The following ANO10 variants were observed in gnomAD, a reference collection of about 807,000 sequenced individuals.
The protein encoded by ANO10 is anoctamin-10.
A neutral mutation model predicts 74.7 loss-of-function variants in ANO10; 77 were observed. The observed-to-expected ratio is 1.03, with a 90% CI of 0.86 to 1.25. The LOEUF (loss-of-function observed/expected upper bound fraction) is 1.25, where lower values mean the gene tolerates loss of function less well. Ranked by LOEUF, ANO10 falls within the 50% of genes most tolerant of loss-of-function variation. The pLI is 0.00. For missense variants in ANO10, 721 were observed against 778.1 expected (o/e 0.93, Z 0.87); for synonymous variants, 279 against 284.9 (o/e 0.98, Z 0.21).
chr3:43,412,972 A>G (rs2092687913), intron 12 of ANO10, among the ~76,000 whole-genome samples: 1 of 152,156 alleles, frequency 6.6e-6, no homozygotes, highest in Non-Finnish European at 1.5e-5. Flanking sequence ...AATCACATGA[A>G]CCCAGGAGGC....
intron 4 of ANO10, among the ~76,000 whole-genome samples, chr3:43,585,360 G>GA (rs148893632): frequency 0.11 from 16,928 of 151,378 alleles, 1,090 homozygotes; most frequent in African/African-American, 0.17. Context: ...AGGAAGAAAG[G>GA]AAAAAAAACA....
intron 12 of ANO10, among the ~76,000 whole-genome samples, chr3:43,400,840 G>A (rs751500915): frequency 3.9e-5 from 6 of 152,136 alleles, no homozygotes; most frequent in Non-Finnish European, 7.4e-5. Context: ...TGTGTGTAAG[G>A]CTGGGGCACA....
Position 43,614,115 on chromosome 3 carries a change from C to T in ANO10, c.-12+7794G>A, listed in dbSNP as rs540723270. On this transcript the variant is annotated intron_variant, in intron 1 of 12. Coordinates refer to ENST00000292246, the MANE Select transcript of ANO10 (RefSeq NM_018075.5). Reference sequence around the variant, plus strand: ...AGTTTAAGGGAACAATAAAGTGTTCCGCAGAGTATCTGGGGACACGCATCA... The same window carrying T: ...AGTTTAAGGGAACAATAAAGTGTTCTGCAGAGTATCTGGGGACACGCATCA... Among the ~76,000 whole-genome samples the T allele has an allele frequency of 8.5e-5, 13 of 152,214 alleles. No homozygotes were observed. In the East Asian group the frequency reaches 9.6e-4, roughly 11 times the overall value.
At chr3:43,512,371 C>T (rs1367555955) in intron 11 of ANO10, among the ~76,000 whole-genome samples, 4 of 152,198 alleles carry the variant, frequency 2.6e-5, no homozygotes, top group African/African-American at 4.8e-5. Context: ...TTAATGCACA[C>T]TGTGCACTAT....
intron 11 of ANO10, among the ~76,000 whole-genome samples, chr3:43,474,018 G>A (rs1441613281): frequency 6.6e-6 from 1 of 152,184 alleles, no homozygotes; most frequent in Non-Finnish European, 1.5e-5. Flanking sequence ...TACAGTTTTG[G>A]AATGATCCAA....
intron 11 of ANO10, among the ~76,000 whole-genome samples, chr3:43,444,969 A>G (rs1196169679): frequency 6.6e-6 from 1 of 151,884 alleles, no homozygotes; most frequent in East Asian, 1.9e-4. Flanking sequence ...TAAAAATACA[A>G]AAAATTAGCC....
intron 1 of ANO10, among the ~76,000 whole-genome samples, chr3:43,635,914 C>T (rs563711719): frequency 9.2e-5 from 14 of 152,062 alleles, no homozygotes; most frequent in South Asian, 2.1e-4. Flanking sequence ...CCACCATGCC[C>T]GGCCCAGCTC....
At chr3:43,580,520 T>C (rs199834409) in intron 4 of ANO10, 48 bp from the exon 5 acceptor site, 2 of 1,607,650 alleles carry the variant, frequency 1.2e-6, no homozygotes, top group Non-Finnish European at 8.5e-7. Flanking sequence ...CTGGAGATTG[T>C]GCATGATACG....
intron 4 of ANO10, among the ~76,000 whole-genome samples, chr3:43,584,424 C>CAG (rs1171617027): frequency 6.6e-6 from 1 of 152,118 alleles, no homozygotes; most frequent in African/African-American, 2.4e-5. Flanking sequence ...CACTCATACC[C>CAG]AGAGAGAGAG....
intron 7 of ANO10, among the ~76,000 whole-genome samples, chr3:43,571,203 G>A (rs2080693802): frequency 1.3e-5 from 2 of 151,608 alleles, no homozygotes; most frequent in Non-Finnish European, 1.5e-5. Context: ...TAGAGAGGAT[G>A]TGGAGAAATA....
chr3:43,498,246 G>A (rs1486915176), intron 11 of ANO10, among the ~76,000 whole-genome samples: 2 of 152,160 alleles, frequency 1.3e-5, no homozygotes, highest in African/African-American at 4.8e-5. Flanking sequence ...AGGAGACAGT[G>A]GGAGTTTTCC....
intron 11 of ANO10, among the ~76,000 whole-genome samples, chr3:43,453,179 C>CTTTT (rs36070589): frequency 7.7e-6 from 1 of 130,494 alleles, no homozygotes; most frequent in Non-Finnish European, 1.7e-5. Flanking sequence ...TCTTTTCCCC[C>CTTTT]TTTTTTTTTT....
chr3:43,421,953 A>G (rs920655696), intron 12 of ANO10, among the ~76,000 whole-genome samples: 2 of 152,254 alleles, frequency 1.3e-5, no homozygotes, highest in Non-Finnish European at 2.9e-5. Flanking sequence ...AATATTTAAT[A>G]AAAAGTAAAT....
rs115300959 is a variant in ANO10 at position 43,387,161 on chromosome 3, C to T, written c.1915-20187G>A. ...GGTGTAGCCCACTGCTGCTAGGCTGCGAATCTGCCCAGCACGTTACTGTAC... is the reference window on the plus strand; with the variant it reads ...GGTGTAGCCCACTGCTGCTAGGCTGTGAATCTGCCCAGCACGTTACTGTAC... On this transcript the variant is annotated intron_variant, in intron 12 of 12. Transcript: ENST00000292246. Among the ~76,000 whole-genome samples the T allele has an allele frequency of 4.2e-3, 640 of 152,252 alleles. 2 individuals carry two copies. The highest frequency in any genetic ancestry group is 6.4e-3 in the Non-Finnish European group (437 of 68,008).
chr3:43,455,956 T>G (rs2149009862), intron 11 of ANO10, among the ~76,000 whole-genome samples: 1 of 152,274 alleles, frequency 6.6e-6, no homozygotes, highest in Admixed American at 6.5e-5. Context: ...GAGCAAAGAC[T>G]TGCGTTAACT....
chr3:43,682,177 C>G (rs565283222), intron 1 of ANO10, among the ~76,000 whole-genome samples: 2 of 151,890 alleles, frequency 1.3e-5, no homozygotes, highest in African/African-American at 4.8e-5. Context: ...ATTGATAGAC[C>G]GCTAGCAAGA....
rs1218639487 is a variant in ANO10, at chr3:43,576,712, G to A, written c.1142C>T (p.Ala381Val). The change falls in exon 6 of 13, where the codon GCC becomes GTC. Residue 381 changes from alanine to valine, a missense_variant. Physicochemically the swap from Ala to Val is moderately conservative, Grantham distance 64 (BLOSUM62 0). Coordinates refer to ENST00000292246, the MANE Select transcript of ANO10 (RefSeq NM_018075.5). ...EIMNRLYRYAAEFLTSWENHR... is the reference protein window; with the variant it reads ...EIMNRLYRYAVEFLTSWENHR... ...CTTACCCCATGAAGTTAAAAACTCGGCAGCATATCGATAGAGACGATTCAT... is the reference window on the plus strand; with the variant it reads ...CTTACCCCATGAAGTTAAAAACTCGACAGCATATCGATAGAGACGATTCAT... 6.2e-7 allele frequency: 1 copy of A among 1,614,130 alleles called. No homozygotes were observed.
chr3:43,406,676 A>AAGCTGG (rs2092582335), intron 12 of ANO10, among the ~76,000 whole-genome samples: 1 of 152,188 alleles, frequency 6.6e-6, no homozygotes, highest in Non-Finnish European at 1.5e-5. Context: ...GTTACCCACA[A>AAGCTGG]AGCTGGACTG....
rs2079361955 is a variant in ANO10, at chr3:43,549,636, C to A, written c.1797+84G>T. 5 of 1,498,766 alleles carry A rather than the reference C, an allele frequency of 3.3e-6. No homozygotes were observed. In the Admixed American group the frequency reaches 8.4e-5, roughly 25 times the overall value. 92.8% of individuals were successfully genotyped at this position (1,498,766 alleles called of 1,614,324 possible). The stretch of plus-strand genomic sequence containing the variant: ...AAATCCATATTGCTCAATTGTCAGT[C>A]ATGGACAGCCCGAGACAGCACTGCT... On this transcript the variant is annotated intron_variant, in intron 11 of 12. Transcript: ENST00000292246.
Sources: gnomAD v4.1 joint callset for allele counts (sites outside exome capture counted in the v4.1 genomes callset) on GRCh38, gnomAD v4.1.1 for gene constraint, MANE v1.5 for transcripts, NCBI Gene and HGNC (gene_info 2026-07-23, HGNC 2026-07-21) for gene names.